Variants in PAK1 observed in about 807,000 individuals in gnomAD.
PAK1 encodes the protein serine/threonine-protein kinase PAK 1.
In PAK1, 29 loss-of-function variants were observed where a neutral mutation model predicts 67.4. The ratio of observed to expected loss-of-function variants is 0.43; its 90% CI spans 0.32 to 0.59. The LOEUF is 0.59. Among genes scored for constraint, PAK1 ranks in the 20% least tolerant of loss-of-function variants. The pLI, the probability that PAK1 is intolerant of heterozygous loss-of-function variation, is 0.07. For missense variants in PAK1, 337 were observed against 670.7 expected (o/e 0.50, Z 5.50); for synonymous variants, 223 against 237.4 (o/e 0.94, Z 0.56).
rs114679947 is a variant in PAK1 at position 77,417,308 on chromosome 11, T to G, written c.-21-24767A>C. On this transcript the variant is annotated intron_variant, in intron 1 of 14. Coordinates refer to ENST00000356341, the MANE Select transcript of PAK1 (RefSeq NM_002576.5). Reference sequence around the variant, plus strand: ...TAGTATTATTCAGTAAAAAAAGAAATGAACTATCAACCCACAAAAAGACAT... The same window carrying G: ...TAGTATTATTCAGTAAAAAAAGAAAGGAACTATCAACCCACAAAAAGACAT... Among the ~76,000 whole-genome samples the G allele has an allele frequency of 7.4e-3, 1,121 of 152,206 alleles. 25 individuals carry two copies. Among genetic ancestry groups the G allele is most frequent in the African/African-American group, 0.026 (1,071 of 41,526 alleles).
At chr11:77,464,309 C>G (rs762453265) in intron 1 of PAK1, among the ~76,000 whole-genome samples, 53 of 152,332 alleles carry the variant, frequency 3.5e-4, no homozygotes, top group South Asian at 3.3e-3. Context: ...ATGCACATCT[C>G]AGTTTAAAAG....
At chr11:77,386,559 C>T (rs1471297073) in intron 2 of PAK1, among the ~76,000 whole-genome samples, 1 of 152,160 alleles carries the variant, frequency 6.6e-6, no homozygotes, top group Non-Finnish European at 1.5e-5. Context: ...ATTTATGCAT[C>T]CCCCAGGCAC....
chr11:77,502,389 G>A, the PAK1 span, among the ~76,000 whole-genome samples: 38 of 152,062 alleles, frequency 2.5e-4, no homozygotes, highest in African/African-American at 8.2e-4. Flanking sequence ...AAAACTAAAC[G>A]TTTATTGTTA....
chr11:77,356,475 T>G (rs551663272), intron 6 of PAK1, among the ~76,000 whole-genome samples: 132 of 152,310 alleles, frequency 8.7e-4, no homozygotes, highest in African/African-American at 3.1e-3. Flanking sequence ...CCTGACTGCC[T>G]GAACTTAAAT....
intron 14 of PAK1, among the ~76,000 whole-genome samples, chr11:77,323,954 G>A (rs527861675): frequency 6.6e-6 from 1 of 152,088 alleles, no homozygotes; most frequent in East Asian, 1.9e-4. Flanking sequence ...TCGCAATACT[G>A]CATTTTAGGA....
chr11:77,459,690 CTTTTT>C (rs755731892), intron 1 of PAK1, among the ~76,000 whole-genome samples: 1 of 134,552 alleles, frequency 7.4e-6, no homozygotes, highest in South Asian at 2.4e-4. Context: ...TCTTCTTCTT[CTTTTT>C]TTTTTTTTTT....
At chr11:77,335,408 A>T (rs560361809) in intron 13 of PAK1, among the ~76,000 whole-genome samples, 4 of 152,208 alleles carry the variant, frequency 2.6e-5, no homozygotes, top group Non-Finnish European at 5.9e-5. Context: ...CAACTTAAGT[A>T]TGCTCTTCAC....
At chr11:77,498,691 ATTTTTTTTT>A in the PAK1 span, among the ~76,000 whole-genome samples, 74 of 72,080 alleles carry the variant, frequency 1.0e-3, no homozygotes, top group East Asian at 0.028. Flanking sequence ...CTTGCTTGTA[ATTTTTTTTT>A]TTTTTTTTTT....
chr11:77,393,819 A>G lies in PAK1; in HGVS notation c.-21-1278T>C, dbSNP rs1000444428. Among the ~76,000 whole-genome samples the G allele has an allele frequency of 1.3e-5, 2 of 152,094 alleles. 1 individual carries two copies. Among genetic ancestry groups the G allele is most frequent in the African/African-American group, 4.8e-5 (2 of 41,412 alleles). The stretch of plus-strand genomic sequence containing the variant: ...GGAGTTTGAGACCAGCCTGGCCAAT[A>G]TGTTGAAACCCCCTCTCCACTAAAA... On this transcript the variant is annotated intron_variant, in intron 1 of 14. Coordinates refer to ENST00000356341, the MANE Select transcript of PAK1 (RefSeq NM_002576.5).
chr11:77,450,362 C>G (rs888351351), intron 1 of PAK1, among the ~76,000 whole-genome samples: 3 of 152,070 alleles, frequency 2.0e-5, no homozygotes, highest in African/African-American at 7.2e-5. Flanking sequence ...ATTAAAAACC[C>G]GAAAGAACCT....
chr11:77,362,703 A>G (rs891264104), intron 5 of PAK1, among the ~76,000 whole-genome samples: 2 of 152,252 alleles, frequency 1.3e-5, no homozygotes, highest in African/African-American at 2.4e-5. Flanking sequence ...AAAATACTCA[A>G]ATATTAGCTA....
At chr11:77,436,887 A>G (rs1956151638) in intron 1 of PAK1, among the ~76,000 whole-genome samples, 1 of 152,220 alleles carries the variant, frequency 6.6e-6, no homozygotes, top group Non-Finnish European at 1.5e-5. Context: ...CATCATGGTC[A>G]ATCACAAATA....
At chr11:77,428,789 G>A (rs568184740) in intron 1 of PAK1, among the ~76,000 whole-genome samples, 5 of 151,694 alleles carry the variant, frequency 3.3e-5, no homozygotes, top group African/African-American at 4.8e-5. Flanking sequence ...GAAGGCATCC[G>A]TATCAGGAGA....
intron 2 of PAK1, among the ~76,000 whole-genome samples, chr11:77,387,625 C>A (rs1282114674): frequency 6.7e-6 from 1 of 149,092 alleles, no homozygotes; most frequent in African/African-American, 2.4e-5. Flanking sequence ...AAAAAACAAA[C>A]CTCCTATTTG....
chr11:77,347,567 A>T (rs139830905), intron 9 of PAK1, among the ~76,000 whole-genome samples: 17 of 152,252 alleles, frequency 1.1e-4, no homozygotes, highest in African/African-American at 4.1e-4. Flanking sequence ...TGCCATGATA[A>T]TATTATCCTT....
At chr11:77,332,634 A>G in intron 14 of PAK1, 96 bp downstream of exon 14, 1 of 928,026 alleles carries the variant, frequency 1.1e-6, no homozygotes, top group Non-Finnish European at 1.7e-6. Context: ...AGAGAAGCCT[A>G]GTTCTATAAT....
intron 9 of PAK1, 64 bp downstream of exon 9, chr11:77,349,174 TA>T: frequency 8.5e-7 from 1 of 1,173,772 alleles, no homozygotes; most frequent in East Asian, 2.5e-5. Context: ...TAACAAGGGC[TA>T]AAAATTAATC....
At chr11:77,356,295 TAA>T (rs1946027162) in intron 6 of PAK1, 1 of 155,072 alleles carries the variant, frequency 6.4e-6, no homozygotes, top group East Asian at 1.9e-4. Flanking sequence ...TTCCCCAAGT[TAA>T]AAGACATATC....
At chr11:77,361,630 A>G (rs1190950788) in intron 5 of PAK1, among the ~76,000 whole-genome samples, 1 of 152,152 alleles carries the variant, frequency 6.6e-6, no homozygotes, top group East Asian at 1.9e-4. Flanking sequence ...GGTTTTTTTA[A>G]TCAATGGCAA....
Sources: gnomAD v4.1 joint callset for allele counts (sites outside exome capture counted in the v4.1 genomes callset) on GRCh38, gnomAD v4.1.1 for gene constraint, MANE v1.5 for transcripts, NCBI Gene and HGNC (gene_info 2026-07-23, HGNC 2026-07-21) for gene names.